GSG1L: variants seen among roughly 807,000 people sequenced by gnomAD.
GSG1L encodes GSG1 like, also known as germ cell-specific gene 1-like protein.
A neutral mutation model predicts 42.1 loss-of-function variants in GSG1L; 24 were observed. The ratio of observed to expected loss-of-function variants is 0.57; its 90% CI spans 0.41 to 0.80. The LOEUF is 0.80. Among genes scored for constraint, GSG1L ranks in the 30% least tolerant of loss-of-function variants. GSG1L has a pLI of 0.00. For missense variants in GSG1L, 445 were observed against 472.2 expected (o/e 0.94, Z 0.53); for synonymous variants, 215 against 203.5 (o/e 1.06, Z -0.48).
chr16:27,876,597 A>G (rs767970848), intron 3 of GSG1L, among the ~76,000 whole-genome samples: 13 of 152,206 alleles, frequency 8.5e-5, no homozygotes, highest in Non-Finnish European at 1.8e-4. Flanking sequence ...TGGCACTGGT[A>G]CCAGGCCCAG....
At chr16:27,999,646 C>T (rs1596687744) in intron 1 of GSG1L, among the ~76,000 whole-genome samples, 2 of 152,336 alleles carry the variant, frequency 1.3e-5, no homozygotes, top group South Asian at 4.1e-4. Flanking sequence ...GCCTCCCTAA[C>T]TTAATTCTTC....
intron 2 of GSG1L, among the ~76,000 whole-genome samples, chr16:27,903,618 G>C (rs1596600560): frequency 6.6e-6 from 1 of 152,176 alleles, no homozygotes; most frequent in Non-Finnish European, 1.5e-5. Context: ...TGGTGGAGGG[G>C]GCTCCAGATG....
chr16:27,935,505 C>CT (rs71140924), intron 2 of GSG1L, among the ~76,000 whole-genome samples: 46,284 of 152,014 alleles, frequency 0.3, 8,046 homozygotes, highest in Non-Finnish European at 0.41. Context: ...TAGAGACAGA[C>CT]GTGAAGAAGT....
intron 4 of GSG1L, among the ~76,000 whole-genome samples, chr16:27,840,536 G>A (rs536611227): frequency 1.1e-4 from 16 of 152,214 alleles, no homozygotes; most frequent in African/African-American, 3.6e-4. Flanking sequence ...AGGAGGGCTC[G>A]CACTCACCGA....
chr16:27,829,833 A>G (rs1036174873), intron 4 of GSG1L, among the ~76,000 whole-genome samples: 1 of 152,158 alleles, frequency 6.6e-6, no homozygotes, highest in Non-Finnish European at 1.5e-5. Context: ...GCACTCAAGA[A>G]AGTCTTGCTG....
chr16:27,907,915 C>T (rs1215815668), intron 2 of GSG1L, among the ~76,000 whole-genome samples: 1 of 152,204 alleles, frequency 6.6e-6, no homozygotes, highest in Non-Finnish European at 1.5e-5. Context: ...CAAACTTGTC[C>T]CCTGTGACCT....
At chr16:27,949,147 G>T (rs2084923118) in intron 2 of GSG1L, among the ~76,000 whole-genome samples, 1 of 151,478 alleles carries the variant, frequency 6.6e-6, no homozygotes, top group South Asian at 2.1e-4. Flanking sequence ...TAACTCCGGG[G>T]CTCAAGCAAT....
At chr16:27,865,523 CTATATATATATATATATA>C (rs1172385916) in intron 3 of GSG1L, among the ~76,000 whole-genome samples, 12 of 58,250 alleles carry the variant, frequency 2.1e-4, no homozygotes, top group Admixed American at 4.9e-4. Context: ...CTCTCTCTTT[CTATATATATATATATATA>C]TATATATATA....
chr16:28,025,634 C>A (rs541302293), intron 1 of GSG1L, among the ~76,000 whole-genome samples: 49 of 152,364 alleles, frequency 3.2e-4, no homozygotes, highest in African/African-American at 1.1e-3. Context: ...ACATAATTGG[C>A]TTTCAATGTA....
chr16:28,011,956 T>C (rs1443769885), intron 1 of GSG1L, among the ~76,000 whole-genome samples: 1 of 152,154 alleles, frequency 6.6e-6, no homozygotes, highest in East Asian at 1.9e-4. Context: ...GCCGTCAGCT[T>C]GCAACCCTGA....
chr16:27,855,202 T>C (rs765261904), intron 3 of GSG1L, among the ~76,000 whole-genome samples: 2 of 152,188 alleles, frequency 1.3e-5, no homozygotes, highest in Admixed American at 6.5e-5. Flanking sequence ...TGTCCCCTGC[T>C]GAGGACTTTC....
In GSG1L at chr16:28,028,224, G is replaced by C. The variant is rs1396937302; in HGVS notation, c.349+34852C>G. Among the ~76,000 whole-genome samples the C allele has an allele frequency of 3.3e-5, 5 of 152,224 alleles. No individual in the cohort carries two copies. The East Asian group carries it at 9.7e-4, about 29-fold the overall frequency. On this transcript the variant is annotated intron_variant, in intron 1 of 6. Transcript: ENST00000447459. ...TCAATTTCCTTATCTAGCCAGTGTA[G>C]TTGATGGGCCATGAAGGCCAAGGGA...
chr16:27,802,987 T>C (rs905947094), intron 6 of GSG1L, among the ~76,000 whole-genome samples: 7 of 151,966 alleles, frequency 4.6e-5, no homozygotes, highest in African/African-American at 1.2e-4. Context: ...TCCCCTCCGT[T>C]GATCTGGCTG....
chr16:27,935,975 A>C (rs564733173), intron 2 of GSG1L, among the ~76,000 whole-genome samples: 2 of 150,830 alleles, frequency 1.3e-5, no homozygotes, highest in African/African-American at 4.9e-5. Flanking sequence ...GGTCAGGTCC[A>C]GCTCTGGGAT....
intron 1 of GSG1L, among the ~76,000 whole-genome samples, chr16:28,023,212 CTA>C (rs2085864476): frequency 6.6e-6 from 1 of 152,076 alleles, no homozygotes; most frequent in South Asian, 2.1e-4. Flanking sequence ...ACTTATCATT[CTA>C]TCTTTCTCTC....
intron 1 of GSG1L, among the ~76,000 whole-genome samples, chr16:28,007,492 T>TTGGC (rs1567553500): frequency 1.1e-5 from 1 of 88,530 alleles, no homozygotes; most frequent in Non-Finnish European, 2.2e-5. Context: ...GGTTGGTTGG[T>TTGGC]TGGTTGGTTG....
chr16:27,997,805 A>G (rs1341505417), intron 1 of GSG1L, among the ~76,000 whole-genome samples: 2 of 149,380 alleles, frequency 1.3e-5, no homozygotes, highest in Non-Finnish European at 3.0e-5. Context: ...AGCAGTGTCC[A>G]TCATACCCAA....
chr16:27,806,579 G>T (rs2082965389), intron 6 of GSG1L, among the ~76,000 whole-genome samples: 1 of 152,180 alleles, frequency 6.6e-6, no homozygotes, highest in Non-Finnish European at 1.5e-5. Flanking sequence ...CCCACTCCAG[G>T]GTGAGGGAGC....
intron 6 of GSG1L, among the ~76,000 whole-genome samples, chr16:27,799,272 G>A (rs771439638): frequency 6.0e-5 from 9 of 149,768 alleles, no homozygotes; most frequent in South Asian, 2.1e-4. Flanking sequence ...GGCGGCTCAC[G>A]CCTGTAATCT....
Sources: gnomAD v4.1 joint callset for allele counts (sites outside exome capture counted in the v4.1 genomes callset) on GRCh38, gnomAD v4.1.1 for gene constraint, MANE v1.5 for transcripts, NCBI Gene and HGNC (gene_info 2026-07-23, HGNC 2026-07-21) for gene names.